The following PCDHA5 variants were observed in gnomAD, a reference collection of about 807,000 sequenced individuals.
PCDHA5 encodes protocadherin alpha-5.
A neutral mutation model predicts 61.6 loss-of-function variants in PCDHA5; 43 were observed. That is an observed-to-expected ratio of 0.70 (90% CI 0.55 to 0.90). The LOEUF (loss-of-function observed/expected upper bound fraction) is 0.90. Ranked by LOEUF, PCDHA5 falls within the 40% of genes least tolerant of loss-of-function variation. The probability of loss-of-function intolerance (pLI) is 0.00; values close to 1 mark genes in which losing one functional copy is unlikely to be tolerated. For synonymous variants in PCDHA5, 627 were observed against 543.9 expected (o/e 1.15, Z -2.13); for missense variants, 1,298 against 1,222.7 (o/e 1.06, Z -0.92).
At position 140,856,759 on chromosome 5, in the gene PCDHA5, C is replaced by A. The variant is rs148775418; in HGVS notation, c.2352+32632C>A. The stretch of plus-strand genomic sequence containing the variant: ...TCCTGGTGTTAGATGCCAATGATAA[C>A]GCCCCTATCTTTGACAGACCGGTTT... On this transcript the variant is annotated intron_variant, in intron 1 of 3. Transcript: ENST00000529859. 2.5e-6 allele frequency: 4 copies of A among 1,596,386 alleles called. 1 individual carries two copies. The highest frequency in any genetic ancestry group is 1.7e-4 in the Middle Eastern group (1 of 5,998).
At chr5:140,937,326 C>G (rs1287239556) in intron 1 of PCDHA5, among the ~76,000 whole-genome samples, 2 of 152,046 alleles carry the variant, frequency 1.3e-5, no homozygotes, top group Non-Finnish European at 2.9e-5. Flanking sequence ...CGTGAGCCAC[C>G]GCGCCCGGCT....
chr5:140,936,619 T>C (rs2153629684), intron 1 of PCDHA5, among the ~76,000 whole-genome samples: 1 of 152,366 alleles, frequency 6.6e-6, no homozygotes, highest in East Asian at 1.9e-4. Context: ...TACTGTGCAG[T>C]GCTACCTTTG....
chr5:140,888,789 G>A (rs536846098), intron 1 of PCDHA5, among the ~76,000 whole-genome samples: 1 of 152,066 alleles, frequency 6.6e-6, no homozygotes, highest in Admixed American at 6.5e-5. Flanking sequence ...AGCCTGATCT[G>A]GGGAGGTTGA....
At chr5:140,838,002 T>TA (rs1491059163) in intron 1 of PCDHA5, among the ~76,000 whole-genome samples, 1 of 151,590 alleles carries the variant, frequency 6.6e-6, no homozygotes, top group African/African-American at 2.4e-5. Context: ...TCCTTTTTTT[T>TA]AAAAAAAGAA....
In PCDHA5 at chr5:140,982,542, A is replaced by T; in HGVS notation, c.2479A>T (p.Thr827Ser). 6.2e-7 allele frequency: 1 copy of T among 1,614,210 alleles called. No individual in the cohort carries two copies. Among genetic ancestry groups the T allele is most frequent in the Non-Finnish European group, 8.5e-7 (1 of 1,180,042 alleles). The change falls in exon 3 of 4, where the codon ACA becomes TCA. Residue 827 changes from threonine (T) to serine (S), a missense_variant. Transcript: ENST00000529859. ...AGGAGGGCCTGATCAGCAGTGGCCA[A>T]CAGTATCCAGTGCAACACCAGGTAA... is the stretch of plus-strand genomic sequence containing the variant. The part of the protein sequence containing the change: ...GPGGPDQQWP[T>S]VSSATPEPEA...
intron 3 of PCDHA5, 32 bp from the exon 4 acceptor site, chr5:141,009,595 C>T (rs781807814): frequency 6.2e-7 from 1 of 1,604,124 alleles, no homozygotes; most frequent in Admixed American, 1.7e-5. Context: ...TGTGTTGACC[C>T]TGTTAATGAT....
chr5:140,882,870 A>T, intron 1 of PCDHA5: 1 of 1,614,196 alleles, frequency 6.2e-7, no homozygotes, highest in South Asian at 1.1e-5. Flanking sequence ...AAAACACTGG[A>T]CAGAGAGGAA....
intron 1 of PCDHA5, among the ~76,000 whole-genome samples, chr5:140,895,496 T>A (rs1364776623): frequency 1.3e-5 from 2 of 152,216 alleles, no homozygotes; most frequent in African/African-American, 4.8e-5. Flanking sequence ...TATTCAGAAC[T>A]TTTGCCCAAT....
In PCDHA5 at chr5:140,952,512, CATCT is replaced by C. The variant is rs2094757607; in HGVS notation, c.2353-26436_2353-26433del. ...CAGTCCTCAGTAAGTTCCTCATCTC[CATCT>C]GAGACCTCCTCAGACTGGACTTCTT... On this transcript the variant is annotated intron_variant, in intron 1 of 3. Coordinates refer to ENST00000529859, the MANE Select transcript of PCDHA5 (RefSeq NM_018908.3). 2.0e-5 allele frequency among the ~76,000 whole-genome samples: 3 copies of C among 152,242 alleles called. No individual in the cohort carries two copies. The South Asian group carries it at 6.2e-4, about 32-fold the overall frequency.
At chr5:140,828,491 C>G in intron 1 of PCDHA5, 2 of 1,614,194 alleles carry the variant, frequency 1.2e-6, no homozygotes, top group Non-Finnish European at 1.7e-6. Context: ...GCCCTTGTTC[C>G]CGGTAGAGGA....
In PCDHA5 at chr5:140,822,475, G is replaced by A. The variant is rs2150116650; in HGVS notation, c.700G>A (p.Ala234Thr). ...TVQLLINVLD[A>T]NDNAPEFDKS... ...TCAGTTGTTGATCAATGTATTGGAT[G>A]CTAATGATAACGCCCCAGAATTTGA... Residue 234 changes from alanine (A) to threonine (T), a missense_variant, in exon 1 of 4, where the codon GCT becomes ACT. Ala to Thr is a moderately conservative substitution (Grantham distance 58). Coordinates refer to ENST00000529859, the MANE Select transcript of PCDHA5 (RefSeq NM_018908.3). 2 of 1,613,728 alleles carry A rather than the reference G, an allele frequency of 1.2e-6. No homozygotes were observed. Among genetic ancestry groups the A allele is most frequent in the South Asian group, 1.1e-5 (1 of 91,066 alleles).
At chr5:140,966,617 A>G (rs1169791623) in intron 1 of PCDHA5, 8 of 785,216 alleles carry the variant, frequency 1.0e-5, no homozygotes, top group African/African-American at 1.8e-5. Flanking sequence ...GGGCCTACGG[A>G]GGGAGCGGCC....
At chr5:140,884,230 CG>C in intron 1 of PCDHA5, 2 of 1,613,384 alleles carry the variant, frequency 1.2e-6, no homozygotes, top group Non-Finnish European at 1.7e-6. Flanking sequence ...TGAAGGACCA[CG>C]GTGAGCCCGC....
intron 1 of PCDHA5, chr5:140,882,238 G>T: frequency 6.3e-7 from 1 of 1,583,494 alleles, no homozygotes; most frequent in Non-Finnish European, 8.6e-7. Context: ...TGTATATATT[G>T]CAGATAGCTC....
rs1374109552 is a variant in PCDHA5 at position 141,010,068 on chromosome 5, T to C, written c.*131T>C. On this transcript the variant is annotated 3_prime_UTR_variant, in exon 4 of 4. Transcript: ENST00000529859. ...AGAGACCTCAGAAATCTGCAGAAAGTTCCCTGTGTCTGTCTAGAACGCATT... is the reference window on the plus strand; with the variant it reads ...AGAGACCTCAGAAATCTGCAGAAAGCTCCCTGTGTCTGTCTAGAACGCATT... 4 of 1,604,732 alleles carry C rather than the reference T, an allele frequency of 2.5e-6. No homozygotes were observed. Among genetic ancestry groups the C allele is most frequent in the Non-Finnish European group, 3.4e-6 (4 of 1,175,400 alleles).
At chr5:140,849,973 C>T in intron 1 of PCDHA5, 1 of 1,597,728 alleles carries the variant, frequency 6.3e-7, no homozygotes. Context: ...GTGTCCTACT[C>T]GCTGGTGGAG....
chr5:140,836,333 T>C (rs2150258058), intron 1 of PCDHA5: 3 of 1,613,682 alleles, frequency 1.9e-6, no homozygotes, highest in South Asian at 2.2e-5. Flanking sequence ...TTCTGGTGCT[T>C]GTGAAGGACC....
intron 1 of PCDHA5, among the ~76,000 whole-genome samples, chr5:140,917,338 G>GGTGGGGGGGGGGGGGGGGGGC (rs2078134893): frequency 7.3e-6 from 1 of 137,894 alleles, no homozygotes; most frequent in Non-Finnish European, 1.6e-5. Flanking sequence ...GGAGGGGGGG[G>GGTGGGGGGGGGGGGGGGGGGC]ATGGTGTAGG....
At chr5:140,884,301 C>G (rs375535055) in intron 1 of PCDHA5, 2 of 1,613,726 alleles carry the variant, frequency 1.2e-6, no homozygotes, top group South Asian at 1.1e-5. Context: ...GCGCCACAGG[C>G]TTCGTCGAGG....
Sources: allele counts gnomAD v4.1 joint callset (sites outside exome capture counted in the v4.1 genomes callset), GRCh38; gene constraint gnomAD v4.1.1; transcripts MANE v1.5; gene names NCBI Gene and HGNC (gene_info 2026-07-23, HGNC 2026-07-21).